RNF114: variants seen among roughly 807,000 people sequenced by gnomAD.
RNF114 encodes ring finger protein 114, also known as E3 ubiquitin-protein ligase RNF114.
RNF114 carries 6 observed loss-of-function variants against 28.4 expected under a neutral mutation model. The ratio of observed to expected loss-of-function variants is 0.21; its 90% CI spans 0.12 to 0.42. The LOEUF (loss-of-function observed/expected upper bound fraction) is 0.42. RNF114 is among the 10% of genes least tolerant of loss of function. RNF114 has a pLI of 1.00. For synonymous variants in RNF114, 115 were observed against 116.7 expected (o/e 0.99, Z 0.09); for missense variants, 249 against 311.7 (o/e 0.80, Z 1.51).
intron 3 of RNF114, among the ~76,000 whole-genome samples, chr20:49,945,909 G>A (rs2294599): frequency 4.6e-5 from 7 of 151,960 alleles, no homozygotes; most frequent in African/African-American, 1.2e-4. Flanking sequence ...CAGGTGATCC[G>A]CCTGCTTTGG....
chr20:49,936,582 GGC>G (rs1600866819), intron 1 of RNF114, 30 bp downstream of exon 1: 1 of 1,574,716 alleles, frequency 6.4e-7, no homozygotes, highest in Middle Eastern at 1.7e-4. Context: ...CTGGTCGGGG[GGC>G]GCTTAACTGG....
At chr20:49,950,858 G>A (rs191890032) in intron 5 of RNF114, among the ~76,000 whole-genome samples, 2 of 152,216 alleles carry the variant, frequency 1.3e-5, no homozygotes, top group East Asian at 1.9e-4. Context: ...AAATGCAGGC[G>A]CAGCATTGCC....
At chr20:49,937,469 A>C (rs1353079905) in intron 1 of RNF114, among the ~76,000 whole-genome samples, 2 of 152,030 alleles carry the variant, frequency 1.3e-5, no homozygotes, top group East Asian at 3.8e-4. Flanking sequence ...TTCTATAGCC[A>C]CCCTGCAGCG....
chr20:49,943,635 A>AAT (rs1021648170), intron 2 of RNF114, among the ~76,000 whole-genome samples: 11 of 144,394 alleles, frequency 7.6e-5, no homozygotes, highest in African/African-American at 2.8e-4. Context: ...ATTGAAATAC[A>AAT]ATTCCCTACT....
Position 49,936,488 on chromosome 20 carries a change from C to G in RNF114, c.76C>G (p.Arg26Gly). 6.4e-7 allele frequency: 1 copy of G among 1,567,268 alleles called. No homozygotes were observed. The highest frequency in any genetic ancestry group is 1.2e-5 in the South Asian group (1 of 85,600). Residue 26 changes from arginine (R) to glycine (G), a missense_variant, in exon 1 of 6, where the codon CGC becomes GGC. By Grantham distance (125) the Arg-to-Gly change is moderately radical. This residue lies in a region of RNF114 where 123 missense variants were observed against 106.4 expected (regional missense o/e 1.16). Coordinates refer to ENST00000244061, the MANE Select transcript of RNF114 (RefSeq NM_018683.4). ...GGCGGCGGAGGCTGACCCCCTAGGA[C>G]GCTTCACGTGTCCCGTGTGCTTAGA... ...GPAAEADPLG[R>G]FTCPVCLEVY...
intron 4 of RNF114, among the ~76,000 whole-genome samples, chr20:49,947,692 C>G (rs2090338395): frequency 6.7e-6 from 1 of 149,722 alleles, no homozygotes; most frequent in African/African-American, 2.5e-5. Context: ...TTCTGAAATC[C>G]CTCTGATTAT....
chr20:49,949,389 T>C (rs2090347110), intron 5 of RNF114, 34 bp downstream of exon 5: 1 of 1,535,600 alleles, frequency 6.5e-7, no homozygotes, highest in Non-Finnish European at 9.0e-7. Flanking sequence ...ATCCCTCCCC[T>C]GGGGGAGTGG....
At chr20:49,950,705 A>C (rs2090352132) in intron 5 of RNF114, among the ~76,000 whole-genome samples, 1 of 148,998 alleles carries the variant, frequency 6.7e-6, no homozygotes, top group Non-Finnish European at 1.5e-5. Flanking sequence ...AAAAAACAAA[A>C]CACACACACA....
chr20:49,952,086 T>C lies in RNF114; in HGVS notation c.632T>C (p.Val211Ala), dbSNP rs1333891522. 1 of 1,613,706 alleles carries C rather than the reference T, an allele frequency of 6.2e-7. No homozygotes were observed. Among genetic ancestry groups the C allele is most frequent in the Non-Finnish European group, 8.5e-7 (1 of 1,179,686 alleles). Reference protein sequence around the residue: ...FSYDTFVDYDVDEEDMMNQVL... With the variant: ...FSYDTFVDYDADEEDMMNQVL... ...TCTTTTTGCCCTTAGGATTATGATG[T>C]TGATGAAGAGGACATGATGAATCAG... The change falls in exon 6 of 6, where the codon GTT becomes GCT. Residue 211 changes from valine to alanine, a missense_variant. Coordinates refer to ENST00000244061, the MANE Select transcript of RNF114 (RefSeq NM_018683.4).
intron 4 of RNF114, among the ~76,000 whole-genome samples, chr20:49,946,826 G>C (rs1275708710): frequency 6.6e-6 from 1 of 152,044 alleles, no homozygotes; most frequent in Non-Finnish European, 1.5e-5. Context: ...CATAGTTGTG[G>C]GGAAAGAGGA....
chr20:49,946,259 CCTTTT>C lies in RNF114; in HGVS notation c.513+10_513+14del, dbSNP rs747111207. 1.5e-5 allele frequency: 20 copies of C among 1,312,190 alleles called. No individual in the cohort carries two copies. The East Asian group carries it at 4.8e-4, about 32-fold the overall frequency. The allele number at this position is 1,312,190 out of a possible 1,614,324, so 81.3% of individuals were successfully genotyped here. A position where few individuals can be genotyped will look rare whatever the true frequency, so the allele number is the denominator to read the frequency against. On this transcript the variant is annotated intron_variant, in intron 4 of 5. Transcript: ENST00000244061. ...CGGATACCAAATCTGTGGTGAGTAA[CCTTTT>C]TTTTTTTTTTTAAACTTCATTAAGG...
rs2090286452 is a variant in RNF114 at position 49,936,508 on chromosome 20, C to T, written c.96C>T (p.Cys32=). 1 of 1,581,524 alleles carries T rather than the reference C, an allele frequency of 6.3e-7. No homozygotes were observed. The highest frequency in any genetic ancestry group is 8.6e-7 in the Non-Finnish European group (1 of 1,165,160). The change falls in exon 1 of 6, where the codon TGC becomes TGT. Residue 32 remains cysteine, a synonymous_variant. Transcript: ENST00000244061. The part of the protein sequence containing the change: ...DPLGRFTCPV[C]LEVYEKPVQV... The stretch of plus-strand genomic sequence containing the variant: ...TAGGACGCTTCACGTGTCCCGTGTG[C>T]TTAGAGGTGTACGAGAAGCCGGTAC...
chr20:49,952,334 G>C lies in RNF114; in HGVS notation c.*193G>C. ...CTCTTCCCTTTGGGCTCTTGCCAAA[G>C]CTGTCTTCCCCTACTGTTAACCTTG... On this transcript the variant is annotated 3_prime_UTR_variant, in exon 6 of 6. Transcript: ENST00000244061. 1.7e-6 allele frequency: 1 copy of C among 591,152 alleles called. No individual in the cohort carries two copies. Among genetic ancestry groups the C allele is most frequent in the Non-Finnish European group, 3.1e-6 (1 of 324,408 alleles). 36.6% of individuals were successfully genotyped at this position (591,152 alleles called of 1,614,324 possible).
At chr20:49,951,772 G>A (rs185529660) in intron 5 of RNF114, among the ~76,000 whole-genome samples, 26 of 152,322 alleles carry the variant, frequency 1.7e-4, no homozygotes, top group Non-Finnish European at 3.2e-4. Flanking sequence ...CCAGCTACTC[G>A]GGAGGCTGAG....
chr20:49,943,646 G>GCCTT (rs1279446659), intron 2 of RNF114, among the ~76,000 whole-genome samples: 1 of 96,184 alleles, frequency 1.0e-5, no homozygotes, highest in African/African-American at 4.0e-5. Flanking sequence ...ATTCCCTACT[G>GCCTT]TCTTCTTTTT....
chr20:49,937,335 G>T (rs1475624091), intron 1 of RNF114, among the ~76,000 whole-genome samples: 1 of 152,208 alleles, frequency 6.6e-6, no homozygotes, highest in African/African-American at 2.4e-5. Flanking sequence ...TGTAGACAAC[G>T]TGGCCACCTG....
chr20:49,946,819 A>G (rs1285130181), intron 4 of RNF114, among the ~76,000 whole-genome samples: 2 of 152,050 alleles, frequency 1.3e-5, no homozygotes, highest in East Asian at 3.8e-4. Context: ...GCTTCTTCAT[A>G]GTTGTGGGGA....
At position 49,936,499 on chromosome 20, in the gene RNF114, T is replaced by C. The variant is rs373668213; in HGVS notation, c.87T>C (p.Cys29=). ...AEADPLGRFT[C]PVCLEVYEKP... Reference sequence around the variant, plus strand: ...CTGACCCCCTAGGACGCTTCACGTGTCCCGTGTGCTTAGAGGTGTACGAGA... The same window carrying C: ...CTGACCCCCTAGGACGCTTCACGTGCCCCGTGTGCTTAGAGGTGTACGAGA... Residue 29 remains cysteine (C), a synonymous_variant, in exon 1 of 6, where the codon TGT becomes TGC. Transcript: ENST00000244061. The C allele has an allele frequency of 6.2e-5, 98 of 1,574,544 alleles. No individual in the cohort carries two copies. The highest frequency in any genetic ancestry group is 8.4e-5 in the Non-Finnish European group (97 of 1,161,634).
chr20:49,942,258 TAAAAA>T (rs982364077), intron 2 of RNF114, among the ~76,000 whole-genome samples: 4 of 151,344 alleles, frequency 2.6e-5, no homozygotes, highest in Non-Finnish European at 5.9e-5. Context: ...CCCTGTCTCT[TAAAAA>T]AAAGTCAATA....
Sources: allele counts gnomAD v4.1 joint callset (sites outside exome capture counted in the v4.1 genomes callset), GRCh38; gene constraint gnomAD v4.1.1; regional missense constraint gnomAD v4.1.1; transcripts MANE v1.5; gene names NCBI Gene and HGNC (gene_info 2026-07-23, HGNC 2026-07-21).